CHODL: variants seen among roughly 807,000 people sequenced by gnomAD.
The protein encoded by CHODL is chondrolectin.
A neutral mutation model predicts 34.5 loss-of-function variants in CHODL; 29 were observed. The ratio of observed to expected loss-of-function variants is 0.84; its 90% CI spans 0.63 to 1.15. CHODL has a LOEUF of 1.15. CHODL is among the 50% of genes most tolerant of loss of function. CHODL has a pLI of 0.00. For missense variants in CHODL, 332 were observed against 332.5 expected, an observed-to-expected ratio of 1.00 and a Z score of 0.01; for synonymous variants, 125 against 116.1, an observed-to-expected ratio of 1.08 and a Z score of -0.49.
In CHODL at chr21:18,239,173, G is replaced by T. The variant is rs558332461; in HGVS notation, c.-44-17336G>T. ...GGAGTTTCTTTGGAATGTAGAATATGTATACCTTATTGCAGATAAATAATA... is the reference window on the plus strand; with the variant it reads ...GGAGTTTCTTTGGAATGTAGAATATTTATACCTTATTGCAGATAAATAATA... On this transcript the variant is annotated intron_variant, in intron 2 of 6. Transcript: ENST00000400127. Among the ~76,000 whole-genome samples, 121 of 152,170 alleles carry T rather than the reference G, an allele frequency of 8.0e-4. 1 individual carries two copies. Among genetic ancestry groups the T allele is most frequent in the African/African-American group, 2.7e-3 (112 of 41,524 alleles).
chr21:18,065,585 A>G (rs2064722108), intron 2 of CHODL, among the ~76,000 whole-genome samples: 2 of 152,180 alleles, frequency 1.3e-5, no homozygotes, highest in African/African-American at 4.8e-5. Context: ...AATCCTGGAG[A>G]TTGCAATCAA....
rs71318127 is a variant in CHODL at position 18,127,672 on chromosome 21, G to GTTTTTT, written c.-45+99725_-45+99730dup. Among the ~76,000 whole-genome samples, 426 of 70,000 alleles carry GTTTTTT rather than the reference G, an allele frequency of 6.1e-3. 42 individuals carry two copies. The highest frequency in any genetic ancestry group is 7.0e-3 in the African/African-American group (132 of 18,904). The allele number at this position is 70,000 out of a possible 152,430, so 45.9% of individuals were successfully genotyped here. On this transcript the variant is annotated intron_variant, in intron 2 of 6. Coordinates refer to the CHODL transcript ENST00000400127. ...TTACATAACCAGTTGCGTTGCCATT[G>GTTTTTT]TTTTTTTTTTTTTTTTTTTTTTTTT...
rs146186275 is a variant in CHODL at position 18,128,694 on chromosome 21, G to A, written c.-45+100723G>A. 5.3e-5 allele frequency among the ~76,000 whole-genome samples: 8 copies of A among 152,166 alleles called. 1 individual carries two copies. The East Asian group carries it at 1.5e-3, about 29-fold the overall frequency. ...TTCTGGAGCAAGGAGCAAGGAGAAG[G>A]AATAGAGAGTAAGTTGATATCTATG... On this transcript the variant is annotated intron_variant, in intron 2 of 6. Transcript: ENST00000400127.
At position 18,138,316 on chromosome 21, in the gene CHODL, T is replaced by G. The variant is rs190166580; in HGVS notation, c.-45+110345T>G. On this transcript the variant is annotated intron_variant, in intron 2 of 6. Coordinates refer to the CHODL transcript ENST00000400127. ...TCAATGCATCTTTAACTTAAAAATA[T>G]GGAATCTTAAAAATATTTAAATGAA... Among the ~76,000 whole-genome samples the G allele has an allele frequency of 5.9e-5, 9 of 152,288 alleles. No individual in the cohort carries two copies. In the East Asian group the frequency reaches 1.7e-3, roughly 29 times the overall value.
At chr21:17,943,908 C>T (rs2063385432) in intron 1 of CHODL, among the ~76,000 whole-genome samples, 1 of 152,068 alleles carries the variant, frequency 6.6e-6, no homozygotes, top group Non-Finnish European at 1.5e-5. Context: ...GCTTACCTGT[C>T]CTTGGATTAA....
intron 2 of CHODL, among the ~76,000 whole-genome samples, chr21:18,103,634 C>T (rs1322355494): frequency 6.6e-6 from 1 of 152,102 alleles, no homozygotes; most frequent in Non-Finnish European, 1.5e-5. Context: ...AGGATGACTT[C>T]TCTCATGTGT....
In CHODL at chr21:18,263,882, C is replaced by G. The variant is rs11911895; in HGVS notation, c.737+989C>G. Among the ~76,000 whole-genome samples, 1,277 of 150,462 alleles carry G rather than the reference C, an allele frequency of 8.5e-3. 19 individuals carry two copies. The highest frequency in any genetic ancestry group is 0.03 in the African/African-American group (1,209 of 40,924). Reference sequence around the variant, plus strand: ...TCTGAAATGAAATACTAATTCTACACAAAAGCCACATTAATAACCTTTTTT... The same window carrying G: ...TCTGAAATGAAATACTAATTCTACAGAAAAGCCACATTAATAACCTTTTTT... On this transcript the variant is annotated intron_variant, in intron 5 of 5. Coordinates refer to ENST00000299295, the MANE Select transcript of CHODL (RefSeq NM_024944.3).
At chr21:17,941,230 A>G (rs1048693054) in intron 1 of CHODL, among the ~76,000 whole-genome samples, 4 of 150,110 alleles carry the variant, frequency 2.7e-5, no homozygotes, top group African/African-American at 9.8e-5. Context: ...AGATTGATAT[A>G]TTCTCAAACT....
At position 18,033,270 on chromosome 21, in the gene CHODL, T is replaced by G. The variant is rs157738; in HGVS notation, c.-45+5299T>G. On this transcript the variant is annotated intron_variant, in intron 2 of 6. Transcript: ENST00000400127. ...GGTGACCTGCATTTCACTGTGAACA[T>G]AGCAGCTGGTACACTGAGTGAGGTA... Among the ~76,000 whole-genome samples the G allele has an allele frequency of 5.7e-4, 87 of 152,058 alleles. 1 individual carries two copies. Among genetic ancestry groups the G allele is most frequent in the Non-Finnish European group, 5.9e-5 (4 of 67,948 alleles).
intron 2 of CHODL, among the ~76,000 whole-genome samples, chr21:18,149,437 T>C (rs2072937994): frequency 2.0e-5 from 3 of 152,286 alleles, no homozygotes; most frequent in South Asian, 4.1e-4. Flanking sequence ...TATCAAATAT[T>C]TACAAGAAAT....
intron 1 of CHODL, among the ~76,000 whole-genome samples, chr21:17,992,058 C>T (rs558425201): frequency 2.8e-4 from 42 of 152,202 alleles, no homozygotes; most frequent in Admixed American, 9.2e-4. Flanking sequence ...CCAGTTTTCC[C>T]AGCACCAGTT....
intron 2 of CHODL, among the ~76,000 whole-genome samples, chr21:18,160,275 G>C (rs2073080704): frequency 6.6e-6 from 1 of 152,146 alleles, no homozygotes; most frequent in Non-Finnish European, 1.5e-5. Context: ...AGTGCTCTTA[G>C]AACTGATCCC....
chr21:18,169,755 T>G (rs1273158997), intron 2 of CHODL, among the ~76,000 whole-genome samples: 1 of 152,100 alleles, frequency 6.6e-6, no homozygotes, highest in Non-Finnish European at 1.5e-5. Context: ...AGATATCAGT[T>G]TCTCTCTAAG....
At chr21:18,227,306 A>G (rs2073939655) in intron 2 of CHODL, among the ~76,000 whole-genome samples, 1 of 152,192 alleles carries the variant, frequency 6.6e-6, no homozygotes, top group Non-Finnish European at 1.5e-5. Context: ...TAAATACTAT[A>G]GAATTTTCTA....
chr21:18,128,242 A>G (rs565446684), intron 2 of CHODL, among the ~76,000 whole-genome samples: 127 of 130,112 alleles, frequency 9.8e-4, no homozygotes, highest in African/African-American at 3.2e-3. Context: ...TGGAGCTTGC[A>G]GTGAGCCCAG....
chr21:18,134,413 C>T, intron 2 of CHODL: 1 of 504,308 alleles, frequency 2.0e-6, no homozygotes, highest in Non-Finnish European at 4.0e-6. Flanking sequence ...GTAGGTGGAT[C>T]TCTAAGTTTG....
At chr21:18,094,710 TAA>T (rs894835096) in intron 2 of CHODL, among the ~76,000 whole-genome samples, 10 of 129,398 alleles carry the variant, frequency 7.7e-5, no homozygotes, top group African/African-American at 2.5e-4. Context: ...AAAGCAGTAC[TAA>T]GAGAAATTTA....
intron 2 of CHODL, among the ~76,000 whole-genome samples, chr21:18,109,964 A>G (rs1186061810): frequency 6.6e-6 from 1 of 152,154 alleles, no homozygotes; most frequent in Non-Finnish European, 1.5e-5. Flanking sequence ...AAAGGAAAAA[A>G]CTATAGTTAT....
At chr21:18,091,081 A>T (rs1014337043) in intron 2 of CHODL, among the ~76,000 whole-genome samples, 1 of 152,152 alleles carries the variant, frequency 6.6e-6, no homozygotes, top group African/African-American at 2.4e-5. Flanking sequence ...CATTGATCTC[A>T]ATGTTTCCCT....
Sources: allele counts gnomAD v4.1 joint callset (sites outside exome capture counted in the v4.1 genomes callset), GRCh38; gene constraint gnomAD v4.1.1; transcripts MANE v1.5; gene names NCBI Gene and HGNC (gene_info 2026-07-23, HGNC 2026-07-21).